Variants in CES1 observed in about 807,000 individuals in gnomAD.
CES1 encodes carboxylesterase 1.
A neutral mutation model predicts 53.0 loss-of-function variants in CES1; 50 were observed. That is an observed-to-expected ratio of 0.94 (90% CI 0.75 to 1.19). CES1 has a LOEUF of 1.19. Ranked by LOEUF, CES1 falls within the 50% of genes most tolerant of loss-of-function variation. The pLI is 0.00. For missense variants in CES1, 534 were observed against 538.0 expected, an observed-to-expected ratio of 0.99 and a Z score of 0.07; for synonymous variants, 202 against 210.1, an observed-to-expected ratio of 0.96 and a Z score of 0.33.
At position 55,810,378 on chromosome 16, in the gene CES1, C is replaced by T. The variant is rs74019269; in HGVS notation, c.1318+139G>A. ...GGCATAAACCAAAATAAGACAGCACCTCATCCCATGCCATATGGAATCAGC... is the reference window on the plus strand; with the variant it reads ...GGCATAAACCAAAATAAGACAGCACTTCATCCCATGCCATATGGAATCAGC... On this transcript the variant is annotated intron_variant, in intron 11 of 13. Coordinates refer to ENST00000360526, the MANE Select transcript of CES1 (RefSeq NM_001025195.2). 5.6e-3 allele frequency: 6,522 copies of T among 1,155,524 alleles called. 182 individuals carry two copies. The African/African-American group carries it at 0.065, about 12-fold the overall frequency. 71.6% of individuals were successfully genotyped at this position (1,155,524 alleles called of 1,614,324 possible).
chr16:55,820,065 G>A, intron 6 of CES1: 2 of 586,276 alleles, frequency 3.4e-6, no homozygotes, highest in South Asian at 2.0e-5. Flanking sequence ...CTGGCACATA[G>A]GAGGAGTGTG....
intron 7 of CES1, 76 bp downstream of exon 7, chr16:55,819,459 G>A: frequency 9.3e-7 from 1 of 1,071,622 alleles, no homozygotes; most frequent in Non-Finnish European, 1.5e-6. Flanking sequence ...AACTGTCCCT[G>A]GGCAAGAGGA....
At chr16:55,825,146 T>C (rs2032366861) in intron 3 of CES1, among the ~76,000 whole-genome samples, 1 of 151,996 alleles carries the variant, frequency 6.6e-6, no homozygotes, top group African/African-American at 2.4e-5. Context: ...GGTCTAACTG[T>C]GTATATGGGG....
At chr16:55,822,786 C>A (rs1163755662) in intron 4 of CES1, among the ~76,000 whole-genome samples, 2 of 152,016 alleles carry the variant, frequency 1.3e-5, no homozygotes, top group African/African-American at 4.8e-5. Flanking sequence ...GGCTGAGTGG[C>A]CATCTGCTGC....
At chr16:55,810,706 A>C (rs1334695004) in intron 10 of CES1, 42 bp from the exon 11 acceptor site, 1 of 1,608,716 alleles carries the variant, frequency 6.2e-7, no homozygotes, top group African/African-American at 1.3e-5. Context: ...CGGGTGAGCG[A>C]TGCAGCTTCT....
chr16:55,817,866 T>C (rs1328548637), intron 7 of CES1, among the ~76,000 whole-genome samples: 57 of 152,324 alleles, frequency 3.7e-4, no homozygotes, highest in African/African-American at 1.3e-3. Flanking sequence ...AAGAATGTTC[T>C]AGGATCTTAG....
intron 9 of CES1, chr16:55,812,419 G>C: frequency 4.4e-6 from 1 of 229,062 alleles, no homozygotes; most frequent in Non-Finnish European, 8.9e-6. Flanking sequence ...AGACGCTGAT[G>C]TCTGCTGTTC....
At chr16:55,809,907 T>C (rs2031611812) in intron 11 of CES1, among the ~76,000 whole-genome samples, 1 of 152,240 alleles carries the variant, frequency 6.6e-6, no homozygotes, top group South Asian at 2.1e-4. Flanking sequence ...ATGGAGCCCT[T>C]GCAGCAGATG....
At chr16:55,823,464 C>G in intron 4 of CES1, 86 bp downstream of exon 4, 1 of 1,533,148 alleles carries the variant, frequency 6.5e-7, no homozygotes, top group South Asian at 1.1e-5. Flanking sequence ...TAGCTAAGCT[C>G]CCCTGAGGGC....
Position 55,820,054 on chromosome 16 carries a change from C to T in CES1, c.801+318G>A. The T allele has an allele frequency of 1.0e-5, 6 of 574,982 alleles. No homozygotes were observed. The South Asian group carries it at 1.2e-4, about 11-fold the overall frequency. 35.6% of individuals were successfully genotyped at this position (574,982 alleles called of 1,614,324 possible). ...ATCACTGCCCAACATGGCACCAGGC[C>T]CTGGCACATAGGAGGAGTGTGGTCA... On this transcript the variant is annotated intron_variant, in intron 6 of 13. Coordinates refer to ENST00000360526, the MANE Select transcript of CES1 (RefSeq NM_001025195.2).
intron 9 of CES1, 34 bp downstream of exon 9, chr16:55,812,869 G>T: frequency 6.2e-7 from 1 of 1,613,212 alleles, no homozygotes; most frequent in Non-Finnish European, 8.5e-7. Context: ...GATGGGGGTG[G>T]TTGAGTCCCT....
intron 1 of CES1, among the ~76,000 whole-genome samples, chr16:55,831,252 A>G (rs2032657661): frequency 6.6e-6 from 1 of 152,152 alleles, no homozygotes; most frequent in African/African-American, 2.4e-5. Context: ...TTTGAAGCCC[A>G]GGGAGCAAGA....
chr16:55,808,508 A>T (rs1412527822), intron 11 of CES1, among the ~76,000 whole-genome samples: 1 of 152,222 alleles, frequency 6.6e-6, no homozygotes, highest in Non-Finnish European at 1.5e-5. Flanking sequence ...TTAGCATCCC[A>T]AATGAGAAAG....
intron 11 of CES1, among the ~76,000 whole-genome samples, chr16:55,809,921 C>T (rs1158534224): frequency 3.0e-4 from 45 of 152,160 alleles, no homozygotes; most frequent in African/African-American, 1.0e-3. Context: ...GCAGATGCTG[C>T]CAGGGTCTCA....
chr16:55,810,610 C>T lies in CES1; in HGVS notation c.1225G>A (p.Asp409Asn). 1 of 1,614,172 alleles carries T rather than the reference C, an allele frequency of 6.2e-7. No individual in the cohort carries two copies. The highest frequency in any genetic ancestry group is 2.2e-5 in the East Asian group (1 of 44,892). Residue 409 changes from aspartate to asparagine, a missense_variant, in exon 11 of 14, where the codon GAC becomes AAC. By Grantham distance (23) the Asp-to-Asn change is conservative. Around this residue, in one of 5 missense-constraint regions of CES1, gnomAD observed 269 missense variants for 206.6 expected, o/e 1.30. Coordinates refer to ENST00000360526, the MANE Select transcript of CES1 (RefSeq NM_001025195.2). Reference sequence around the variant, plus strand: ...AGGTCTTTCTTTTTGACAGTGTCGTCTGTTCCTCCTAAGTATTTCTCAGTG... The same window carrying T: ...AGGTCTTTCTTTTTGACAGTGTCGTTTGTTCCTCCTAAGTATTTCTCAGTG... Reference protein sequence around the residue: ...EATEKYLGGTDDTVKKKDLFL... With the variant: ...EATEKYLGGTNDTVKKKDLFL...
intron 7 of CES1, 109 bp downstream of exon 7, chr16:55,819,426 A>T: frequency 1.2e-6 from 1 of 821,106 alleles, no homozygotes; most frequent in Non-Finnish European, 2.1e-6. Context: ...TCAGATACTG[A>T]GAGTTGAGAA....
chr16:55,832,104 G>A (rs189826478), intron 1 of CES1, among the ~76,000 whole-genome samples: 4,256 of 152,104 alleles, frequency 0.028, 43 homozygotes, highest in Non-Finnish European at 0.042. Flanking sequence ...CCAGGGCTAG[G>A]TACAAAACAA....
At position 55,813,508 on chromosome 16, in the gene CES1, T is replaced by C. The variant is rs1163749182; in HGVS notation, c.946-465A>G. On this transcript the variant is annotated intron_variant, in intron 8 of 13. Transcript: ENST00000360526. The stretch of plus-strand genomic sequence containing the variant: ...CAACATTTTCATCAACCTTCTTTTA[T>C]GTGTGGGTTTCTGTTGAAAGAGACT... Among the ~76,000 whole-genome samples, 4 of 152,254 alleles carry C rather than the reference T, an allele frequency of 2.6e-5. No homozygotes were observed. In the South Asian group the frequency reaches 8.3e-4, roughly 32 times the overall value.
intron 7 of CES1, 95 bp downstream of exon 7, chr16:55,819,440 G>A (rs1438031119): frequency 4.4e-6 from 4 of 904,590 alleles, no homozygotes; most frequent in Non-Finnish European, 7.4e-6. Flanking sequence ...TTGAGAAATT[G>A]TCCCAGGAAA....
Sources: allele counts gnomAD v4.1 joint callset (sites outside exome capture counted in the v4.1 genomes callset), GRCh38; gene constraint gnomAD v4.1.1; regional missense constraint gnomAD v4.1.1; transcripts MANE v1.5; gene names NCBI Gene and HGNC (gene_info 2026-07-23, HGNC 2026-07-21).